CCDC167: variants seen among roughly 807,000 people sequenced by gnomAD.
The protein encoded by CCDC167 is coiled-coil domain-containing protein 167.
Under a neutral mutation model 12.7 loss-of-function variants are expected in CCDC167, and 15 were observed. The ratio of observed to expected loss-of-function variants is 1.18; its 90% confidence interval spans 0.79 to 1.81. The LOEUF (loss-of-function observed/expected upper bound fraction) is 1.81, where lower values mean the gene tolerates loss of function less well. Ranked by LOEUF, CCDC167 falls within the 40% of genes most tolerant of loss-of-function variation. The pLI is 0.00. For synonymous variants in CCDC167, 52 were observed against 49.0 expected (o/e 1.06, Z -0.26); for missense variants, 121 against 120.1 (o/e 1.01, Z -0.03).
At chr6:37,499,602 T>G (rs542332759) in intron 1 of CCDC167, among the ~76,000 whole-genome samples, 22 of 152,208 alleles carry the variant, frequency 1.4e-4, no homozygotes, top group African/African-American at 5.3e-4. Context: ...GGAGATGCCC[T>G]CTCCAGAGAG....
At chr6:37,496,097 A>G (rs1404508919) in intron 1 of CCDC167, among the ~76,000 whole-genome samples, 5 of 152,220 alleles carry the variant, frequency 3.3e-5, no homozygotes, top group African/African-American at 1.2e-4. Flanking sequence ...AATCTGCCCC[A>G]GTATAAGGCA....
Position 37,483,281 on chromosome 6 carries a change from G to A in CCDC167, c.199C>T (p.Leu67=), listed in dbSNP as rs766884902. 1 of 1,613,350 alleles carries A rather than the reference G, an allele frequency of 6.2e-7. No individual in the cohort carries two copies. Among genetic ancestry groups the A allele is most frequent in the Non-Finnish European group, 8.5e-7 (1 of 1,179,292 alleles). The change falls in exon 4 of 4, where the codon CTG becomes TTG. Residue 67 remains leucine (L), a synonymous_variant. Coordinates refer to ENST00000373408, the MANE Select transcript of CCDC167 (RefSeq NM_138493.3). ...MNKASNYEKE[L]KFLRQENRKN... ...CGGTTCTCTTGCCGAAGAAACTTCA[G>A]TTCCTTCTCTGGGAGGAAAGAGGGT...
chr6:37,494,895 G>A (rs1240430792), intron 1 of CCDC167, among the ~76,000 whole-genome samples: 3 of 142,522 alleles, frequency 2.1e-5, no homozygotes, highest in Non-Finnish European at 3.0e-5. Context: ...CACCTCCTGG[G>A]TTCAAGCAAT....
rs569896093 is a variant in CCDC167 at position 37,490,863 on chromosome 6, T to C, written c.43-5669A>G. ...CCTCCCTGAGAGCCCATCAGACAGA[T>C]GCAGCTCCAAGCACCCGGGCCTGGA... is the stretch of plus-strand genomic sequence containing the variant. On this transcript the variant is annotated intron_variant, in intron 1 of 3. Coordinates refer to ENST00000373408, the MANE Select transcript of CCDC167 (RefSeq NM_138493.3). Among the ~76,000 whole-genome samples, 3 of 152,196 alleles carry C rather than the reference T, an allele frequency of 2.0e-5. No homozygotes were observed. In the East Asian group the frequency reaches 5.8e-4, roughly 30 times the overall value.
chr6:37,494,805 A>ATTTTTTTTTTTTTTTTTTTT (rs201478338), intron 1 of CCDC167, among the ~76,000 whole-genome samples: 2 of 115,218 alleles, frequency 1.7e-5, no homozygotes, highest in African/African-American at 3.9e-5. Context: ...CTACCTACAA[A>ATTTTTTTTTTTTTTTTTTTT]TTTTTTTTTT....
chr6:37,489,257 A>AAACAAACAAAC (rs368831052), intron 1 of CCDC167, among the ~76,000 whole-genome samples: 2 of 144,978 alleles, frequency 1.4e-5, no homozygotes, highest in East Asian at 3.9e-4. Flanking sequence ...AACAAACAAA[A>AAACAAACAAAC]AAAAACAGCA....
chr6:37,488,324 A>G (rs1015489665), intron 1 of CCDC167, among the ~76,000 whole-genome samples: 2 of 152,130 alleles, frequency 1.3e-5, no homozygotes, highest in South Asian at 4.1e-4. Context: ...GTGGGAGAGG[A>G]CCCAGAAAGT....
rs373586636 is a variant in CCDC167, at chr6:37,489,013, G to A, written c.43-3819C>T. Among the ~76,000 whole-genome samples the A allele has an allele frequency of 3.9e-5, 6 of 152,064 alleles. No homozygotes were observed. In the East Asian group the frequency reaches 5.8e-4, roughly 15 times the overall value. ...AGCACCTTGGGAGACCAAGGTGGGC[G>A]GATCACGAGGTCAGGAGATCCAGAC... On this transcript the variant is annotated intron_variant, in intron 1 of 3. Coordinates refer to ENST00000373408, the MANE Select transcript of CCDC167 (RefSeq NM_138493.3).
chr6:37,484,515 A>G (rs1761916087), intron 3 of CCDC167, among the ~76,000 whole-genome samples: 1 of 152,030 alleles, frequency 6.6e-6, no homozygotes. Context: ...TGGGGAGAGC[A>G]GACTTCCGAT....
chr6:37,485,533 G>A (rs1364689230), intron 1 of CCDC167, among the ~76,000 whole-genome samples: 4 of 152,234 alleles, frequency 2.6e-5, no homozygotes, highest in South Asian at 2.1e-4. Flanking sequence ...TCCCCAGCAC[G>A]ATGCCCCAGT....
chr6:37,487,009 T>G (rs977397712), intron 1 of CCDC167, among the ~76,000 whole-genome samples: 2 of 140,348 alleles, frequency 1.4e-5, no homozygotes, highest in Non-Finnish European at 1.6e-5. Context: ...GGCAGGGGGG[T>G]GGGGGTTGGG....
rs147843656 is a variant in CCDC167, at chr6:37,484,561, G to A, written c.190+249C>T. 1.8e-3 allele frequency among the ~76,000 whole-genome samples: 281 copies of A among 152,258 alleles called. 1 individual carries two copies. The highest frequency in any genetic ancestry group is 6.4e-3 in the African/African-American group (267 of 41,552). On this transcript the variant is annotated intron_variant, in intron 3 of 3. Coordinates refer to ENST00000373408, the MANE Select transcript of CCDC167 (RefSeq NM_138493.3). ...ATGATTGTCTCCTAGACCTGGCCACGGCCACATCCCTTCATCCCAAAGAGC... is the reference window on the plus strand; with the variant it reads ...ATGATTGTCTCCTAGACCTGGCCACAGCCACATCCCTTCATCCCAAAGAGC...
Position 37,483,284 on chromosome 6 carries a change from C to T in CCDC167, c.196G>A (p.Glu66Lys), listed in dbSNP as rs1561796741. The T allele has an allele frequency of 2.5e-6, 4 of 1,611,384 alleles. No homozygotes were observed. The South Asian group carries it at 4.4e-5, about 18-fold the overall frequency. Residue 66 changes from glutamate to lysine, a missense_variant, in exon 4 of 4, where the codon GAA (glutamate) becomes AAA (lysine). Transcript: ENST00000373408. Reference protein sequence around the residue: ...LMNKASNYEKELKFLRQENRK... With the variant: ...LMNKASNYEKKLKFLRQENRK... Reference sequence around the variant, plus strand: ...TTCTCTTGCCGAAGAAACTTCAGTTCCTTCTCTGGGAGGAAAGAGGGTGAT... The same window carrying T: ...TTCTCTTGCCGAAGAAACTTCAGTTTCTTCTCTGGGAGGAAAGAGGGTGAT...
At chr6:37,499,129 C>T (rs1040736638) in intron 1 of CCDC167, among the ~76,000 whole-genome samples, 1 of 152,220 alleles carries the variant, frequency 6.6e-6, no homozygotes, top group Non-Finnish European at 1.5e-5. Flanking sequence ...TGGGTTCCAC[C>T]TGGAACCTCA....
chr6:37,487,030 CG>C (rs932754073), intron 1 of CCDC167, among the ~76,000 whole-genome samples: 13 of 152,038 alleles, frequency 8.6e-5, no homozygotes, highest in African/African-American at 3.1e-4. Flanking sequence ...GGGCAGGGGA[CG>C]GGGTGCATTC....
intron 1 of CCDC167, among the ~76,000 whole-genome samples, chr6:37,489,527 G>A (rs1029581823): frequency 4.8e-4 from 73 of 152,232 alleles, no homozygotes; most frequent in African/African-American, 1.7e-3. Flanking sequence ...TTGCAGACAT[G>A]GCACCTGGTA....
At chr6:37,493,953 G>A (rs1397837463) in intron 1 of CCDC167, among the ~76,000 whole-genome samples, 1 of 152,070 alleles carries the variant, frequency 6.6e-6, no homozygotes, top group Non-Finnish European at 1.5e-5. Flanking sequence ...TGCAGTGGCT[G>A]GCACCATACA....
chr6:37,495,238 C>A (rs548030333), intron 1 of CCDC167, among the ~76,000 whole-genome samples: 1 of 152,214 alleles, frequency 6.6e-6, no homozygotes, highest in African/African-American at 2.4e-5. Flanking sequence ...AAGTTATCCA[C>A]TTTAGGATAC....
intron 3 of CCDC167, among the ~76,000 whole-genome samples, chr6:37,483,694 G>A (rs1437016201): frequency 6.6e-6 from 1 of 152,182 alleles, no homozygotes; most frequent in Admixed American, 6.5e-5. Flanking sequence ...AGAAACTGAG[G>A]GCACCTGGGG....
Sources: allele counts gnomAD v4.1 joint callset (sites outside exome capture counted in the v4.1 genomes callset), GRCh38; gene constraint gnomAD v4.1.1; transcripts MANE v1.5; gene names NCBI Gene and HGNC (gene_info 2026-07-23, HGNC 2026-07-21).